The following PTPRO variants were observed in gnomAD, a reference collection of about 807,000 sequenced individuals.
PTPRO encodes receptor-type tyrosine-protein phosphatase O.
Under a neutral mutation model 145.2 loss-of-function variants are expected in PTPRO, and 62 were observed. That is an observed-to-expected ratio of 0.43 (90% CI 0.35 to 0.53). The LOEUF (loss-of-function observed/expected upper bound fraction) is 0.53, where lower values mean the gene tolerates loss of function less well. Ranked by LOEUF, PTPRO falls within the 20% of genes least tolerant of loss-of-function variation. The probability of loss-of-function intolerance (pLI) is 0.01; values close to 1 mark genes in which losing one functional copy is unlikely to be tolerated. For missense variants in PTPRO, 1,345 were observed against 1,482.7 expected (o/e 0.91, Z 1.53); for synonymous variants, 565 against 514.7 (o/e 1.10, Z -1.32).
At chr12:15,474,230 C>G (rs898675146) in intron 1 of PTPRO, among the ~76,000 whole-genome samples, 1 of 152,196 alleles carries the variant, frequency 6.6e-6, no homozygotes, top group African/African-American at 2.4e-5. Flanking sequence ...AGCTTTCCTT[C>G]AATTCTGACT....
chr12:15,422,406 A>G (rs1940171021), intron 1 of PTPRO, among the ~76,000 whole-genome samples: 1 of 152,194 alleles, frequency 6.6e-6, no homozygotes, highest in Non-Finnish European at 1.5e-5. Context: ...AAAATCACAA[A>G]AACTTGGAAA....
At chr12:15,395,270 A>T (rs1164021263) in intron 1 of PTPRO, among the ~76,000 whole-genome samples, 2 of 152,150 alleles carry the variant, frequency 1.3e-5, no homozygotes, top group African/African-American at 4.8e-5. Context: ...AATGTAGGCA[A>T]TCGAGTTTAA....
chr12:15,466,320 CT>C (rs376920169), intron 1 of PTPRO, among the ~76,000 whole-genome samples: 129 of 152,160 alleles, frequency 8.5e-4, no homozygotes, highest in African/African-American at 3.1e-3. Context: ...AGTAATCATT[CT>C]GATTCAGTTA....
chr12:15,415,386 A>ATT (rs58919838), intron 1 of PTPRO, among the ~76,000 whole-genome samples: 9 of 132,518 alleles, frequency 6.8e-5, no homozygotes, highest in African/African-American at 1.6e-4. Flanking sequence ...GGTGAAATGA[A>ATT]TTTTTTTTTT....
At chr12:15,422,243 C>T (rs1038775376) in intron 1 of PTPRO, among the ~76,000 whole-genome samples, 29 of 152,076 alleles carry the variant, frequency 1.9e-4, no homozygotes, top group African/African-American at 5.6e-4. Context: ...CATAATTGTA[C>T]GAAAGGGTTT....
At chr12:15,545,771 C>A (rs1565698613) in intron 12 of PTPRO, among the ~76,000 whole-genome samples, 1 of 152,148 alleles carries the variant, frequency 6.6e-6, no homozygotes, top group Non-Finnish European at 1.5e-5. Flanking sequence ...CGGTGGCTCA[C>A]ACCTGTAATC....
intron 1 of PTPRO, among the ~76,000 whole-genome samples, chr12:15,328,605 C>T (rs759181293): frequency 3.3e-5 from 5 of 151,730 alleles, no homozygotes; most frequent in Middle Eastern, 3.4e-3. Context: ...AGCTTGAGAG[C>T]GGTATTGCAA....
intron 1 of PTPRO, among the ~76,000 whole-genome samples, chr12:15,432,084 T>C (rs1176767271): frequency 1.3e-5 from 2 of 152,156 alleles, no homozygotes; most frequent in Admixed American, 1.3e-4. Flanking sequence ...ATTGTACAGA[T>C]TATTTCATCA....
At chr12:15,593,975 A>G (rs1455436601) in intron 25 of PTPRO, among the ~76,000 whole-genome samples, 1 of 152,160 alleles carries the variant, frequency 6.6e-6, no homozygotes, top group Non-Finnish European at 1.5e-5. Context: ...ATTAGGAATA[A>G]AAAGACATAG....
At chr12:15,472,125 G>T (rs1489795261) in intron 1 of PTPRO, among the ~76,000 whole-genome samples, 4 of 152,188 alleles carry the variant, frequency 2.6e-5, no homozygotes, top group Admixed American at 6.5e-5. Flanking sequence ...GAGCACAGCA[G>T]AATTTTAATA....
chr12:15,387,508 C>T (rs1448158174), intron 1 of PTPRO, among the ~76,000 whole-genome samples: 2 of 152,160 alleles, frequency 1.3e-5, no homozygotes, highest in Non-Finnish European at 2.9e-5. Context: ...AAATCTACTT[C>T]CCCCTTCATA....
chr12:15,344,014 C>G (rs905818211), intron 1 of PTPRO, among the ~76,000 whole-genome samples: 4 of 152,214 alleles, frequency 2.6e-5, no homozygotes, highest in African/African-American at 4.8e-5. Context: ...AGAAAAGTTT[C>G]ATTCTTTATA....
chr12:15,420,148 GA>G (rs35302259), intron 1 of PTPRO, among the ~76,000 whole-genome samples: 41,860 of 81,862 alleles, frequency 0.51, 9,351 homozygotes, highest in South Asian at 0.59. Context: ...CTCCGACTCA[GA>G]AAAAAAAAAA....
At chr12:15,508,810 A>G (rs374266296) in intron 7 of PTPRO, 43 bp downstream of exon 7, 1 of 1,591,608 alleles carries the variant, frequency 6.3e-7, no homozygotes, top group African/African-American at 1.3e-5. Flanking sequence ...GTCCTTCCTA[A>G]GCACAACCTT....
intron 1 of PTPRO, among the ~76,000 whole-genome samples, chr12:15,386,863 A>T (rs1364996270): frequency 6.6e-6 from 1 of 152,108 alleles, no homozygotes; most frequent in Non-Finnish European, 1.5e-5. Context: ...CTTCCTCTCC[A>T]ACAGTCAAGT....
At chr12:15,409,404 A>T (rs1044923009) in intron 1 of PTPRO, among the ~76,000 whole-genome samples, 2 of 152,158 alleles carry the variant, frequency 1.3e-5, no homozygotes. Flanking sequence ...ATTTGCTTTC[A>T]TTTGTCAATG....
chr12:15,587,554 T>C lies in PTPRO; in HGVS notation c.3410+503T>C, dbSNP rs1391450093. On this transcript the variant is annotated intron_variant, in intron 24 of 26. Transcript: ENST00000281171. ...AATATTCAGCTTAGGAAGATAAACA[T>C]ATTTGCTATGATTCCTCTTCGGGAT... is the stretch of plus-strand genomic sequence containing the variant. Among the ~76,000 whole-genome samples, 3 of 152,310 alleles carry C rather than the reference T, an allele frequency of 2.0e-5. No individual in the cohort carries two copies. The East Asian group carries it at 5.8e-4, about 29-fold the overall frequency.
intron 1 of PTPRO, among the ~76,000 whole-genome samples, chr12:15,421,867 T>C (rs1940156466): frequency 6.6e-6 from 1 of 152,220 alleles, no homozygotes; most frequent in Admixed American, 6.5e-5. Flanking sequence ...TTGCTTTCTC[T>C]GCTTCAGTTC....
chr12:15,497,110 G>A, intron 2 of PTPRO, 135 bp from the exon 3 acceptor site: 1 of 754,736 alleles, frequency 1.3e-6, no homozygotes, highest in South Asian at 1.5e-5. Flanking sequence ...GGTTACTGAG[G>A]AGTTTAGTGC....
Sources: allele counts gnomAD v4.1 joint callset (sites outside exome capture counted in the v4.1 genomes callset), GRCh38; gene constraint gnomAD v4.1.1; transcripts MANE v1.5; gene names NCBI Gene and HGNC (gene_info 2026-07-23, HGNC 2026-07-21).